DYM: variants seen among roughly 807,000 people sequenced by gnomAD.
DYM encodes dymeclin, also known as dyggve-Melchior-Clausen syndrome protein.
In DYM, 78 loss-of-function variants were observed where a neutral mutation model predicts 93.1. The observed-to-expected ratio is 0.84, with a 90% confidence interval of 0.70 to 1.01. DYM has a LOEUF of 1.01. Ranked by LOEUF, DYM falls within the 50% of genes least tolerant of loss-of-function variation. DYM has a pLI of 0.00. For synonymous variants in DYM, 321 were observed against 319.7 expected (o/e 1.00, Z -0.04); for missense variants, 789 against 845.0 (o/e 0.93, Z 0.82).
chr18:49,080,287 G>A (rs1314523896), intron 17 of DYM, among the ~76,000 whole-genome samples: 1 of 137,292 alleles, frequency 7.3e-6, no homozygotes, highest in African/African-American at 2.7e-5. Context: ...GGGCGGCGGG[G>A]CAGAGGCGCC....
At chr18:49,317,972 A>G (rs1038412758) in intron 8 of DYM, among the ~76,000 whole-genome samples, 31 of 152,236 alleles carry the variant, frequency 2.0e-4, no homozygotes, top group Admixed American at 1.8e-3. Flanking sequence ...AGAGAAGCCT[A>G]GGGCAGTTTA....
intron 5 of DYM, among the ~76,000 whole-genome samples, chr18:49,372,880 C>A (rs1219752226): frequency 1.3e-5 from 2 of 151,978 alleles, no homozygotes; most frequent in African/African-American, 4.8e-5. Context: ...ACAGAGATTA[C>A]CACAGAGATG....
chr18:49,335,136 A>C (rs186552501), intron 6 of DYM, among the ~76,000 whole-genome samples: 19 of 152,214 alleles, frequency 1.2e-4, no homozygotes, highest in Non-Finnish European at 1.5e-5. Flanking sequence ...AAGAAAAAGA[A>C]ATATATTTAA....
intron 2 of DYM, among the ~76,000 whole-genome samples, chr18:49,422,957 C>G (rs934663137): frequency 6.6e-6 from 1 of 152,080 alleles, no homozygotes; most frequent in African/African-American, 2.4e-5. Flanking sequence ...GGGAGACTTT[C>G]ACACCCCACT....
chr18:49,374,396 A>T (rs2067301450), intron 5 of DYM, among the ~76,000 whole-genome samples: 1 of 152,202 alleles, frequency 6.6e-6, no homozygotes, highest in Non-Finnish European at 1.5e-5. Flanking sequence ...GAAACAACTT[A>T]GAAGGTCTTA....
chr18:49,356,544 G>C (rs547449820), intron 6 of DYM, among the ~76,000 whole-genome samples: 2 of 152,178 alleles, frequency 1.3e-5, no homozygotes, highest in Admixed American at 6.5e-5. Context: ...CCCACCTTAC[G>C]GCTAGATTCA....
chr18:49,447,754 T>A (rs1292447443), intron 1 of DYM, among the ~76,000 whole-genome samples: 1 of 152,216 alleles, frequency 6.6e-6, no homozygotes, highest in Non-Finnish European at 1.5e-5. Context: ...ATATCTCTTA[T>A]CCTCTCTGTA....
intron 17 of DYM, among the ~76,000 whole-genome samples, chr18:49,089,212 G>A (rs148051631): frequency 1.2e-4 from 18 of 152,254 alleles, no homozygotes; most frequent in Admixed American, 7.8e-4. Context: ...ACCTACCAGA[G>A]CACCTGGTAT....
At chr18:49,167,298 T>C (rs1357380682) in intron 14 of DYM, among the ~76,000 whole-genome samples, 1 of 152,090 alleles carries the variant, frequency 6.6e-6, no homozygotes, top group Non-Finnish European at 1.5e-5. Flanking sequence ...TGGTTGAGCA[T>C]AATGGAAAAT....
intron 13 of DYM, among the ~76,000 whole-genome samples, chr18:49,233,197 C>T (rs1217655781): frequency 6.6e-6 from 1 of 151,672 alleles, no homozygotes; most frequent in East Asian, 2.0e-4. Flanking sequence ...CCCATCTCTA[C>T]TAAAAATACT....
chr18:49,124,331 C>T (rs767584862), intron 15 of DYM, among the ~76,000 whole-genome samples: 10 of 151,860 alleles, frequency 6.6e-5, no homozygotes, highest in Non-Finnish European at 1.3e-4. Flanking sequence ...GAGCAAGACC[C>T]CATCTCTATA....
chr18:49,389,576 A>T (rs1416610140), intron 3 of DYM, among the ~76,000 whole-genome samples: 1 of 152,116 alleles, frequency 6.6e-6, no homozygotes, highest in Non-Finnish European at 1.5e-5. Context: ...GGTTCCCTGC[A>T]GCCTCAAATT....
At chr18:49,145,349 T>C (rs565625759) in intron 15 of DYM, among the ~76,000 whole-genome samples, 1 of 151,962 alleles carries the variant, frequency 6.6e-6, no homozygotes, top group South Asian at 2.1e-4. Context: ...TGTTCAGTTA[T>C]GCCACCAAAT....
chr18:49,087,401 C>T (rs978949599), intron 17 of DYM, among the ~76,000 whole-genome samples: 4 of 152,166 alleles, frequency 2.6e-5, no homozygotes, highest in Non-Finnish European at 5.9e-5. Flanking sequence ...ATTTGCTTAT[C>T]CATTGCAAAG....
chr18:49,291,958 A>T (rs1223467077), intron 8 of DYM, among the ~76,000 whole-genome samples: 1 of 152,196 alleles, frequency 6.6e-6, no homozygotes, highest in African/African-American at 2.4e-5. Flanking sequence ...GCTCCATGAC[A>T]GTCAGCTCCA....
At chr18:49,268,760 TTATAC>T (rs145669083) in intron 11 of DYM, among the ~76,000 whole-genome samples, 30,537 of 152,002 alleles carry the variant, frequency 0.2, 3,079 homozygotes, top group East Asian at 0.27. Flanking sequence ...TATATGCATG[TTATAC>T]TTCAATTTTA....
At chr18:49,327,367 G>GT (rs1330821053) in intron 8 of DYM, among the ~76,000 whole-genome samples, 2 of 151,748 alleles carry the variant, frequency 1.3e-5, no homozygotes, top group Admixed American at 6.6e-5. Context: ...TTTTGTTTTT[G>GT]TTTTTTTGTT....
At chr18:49,405,147 A>C (rs2071331696) in intron 2 of DYM, among the ~76,000 whole-genome samples, 1 of 152,024 alleles carries the variant, frequency 6.6e-6, no homozygotes, top group Non-Finnish European at 1.5e-5. Flanking sequence ...TGGATATTAG[A>C]TGTTTGCTGA....
chr18:49,130,372 G>C (rs1452692932), intron 15 of DYM, among the ~76,000 whole-genome samples: 2 of 152,164 alleles, frequency 1.3e-5, no homozygotes, highest in African/African-American at 4.8e-5. Context: ...TAAAAGCAAA[G>C]GTCTCCCCAT....
Sources: allele counts gnomAD v4.1 joint callset (sites outside exome capture counted in the v4.1 genomes callset), GRCh38; gene constraint gnomAD v4.1.1; transcripts MANE v1.5; gene names NCBI Gene and HGNC (gene_info 2026-07-23, HGNC 2026-07-21).